Variants in OPCML observed in about 807,000 individuals in gnomAD.
OPCML encodes the protein opioid binding protein/cell adhesion molecule like, also known as opioid-binding protein/cell adhesion molecule.
Under a neutral mutation model 37.8 loss-of-function variants are expected in OPCML, and 13 were observed. That is an observed-to-expected ratio of 0.34 (90% CI 0.22 to 0.55). The LOEUF is 0.55. Ranked by LOEUF, OPCML falls within the 20% of genes least tolerant of loss-of-function variation. The pLI, the probability that OPCML is intolerant of heterozygous loss-of-function variation, is 0.91. For synonymous variants in OPCML, 176 were observed against 168.8 expected (o/e 1.04, Z -0.33); for missense variants, 341 against 435.6 (o/e 0.78, Z 1.93).
At chr11:132,976,284 C>T (rs888886015) in intron 1 of OPCML, among the ~76,000 whole-genome samples, 1 of 152,070 alleles carries the variant, frequency 6.6e-6, no homozygotes, top group Non-Finnish European at 1.5e-5. Context: ...AAAGCTGGAT[C>T]GAATGAGGTG....
chr11:133,250,080 T>C (rs139554387), intron 1 of OPCML, among the ~76,000 whole-genome samples: 1 of 152,328 alleles, frequency 6.6e-6, no homozygotes, highest in East Asian at 1.9e-4. Flanking sequence ...CATCATAAAG[T>C]ATAGACACTT....
chr11:132,850,699 T>C (rs983905681), intron 2 of OPCML, among the ~76,000 whole-genome samples: 3 of 152,224 alleles, frequency 2.0e-5, no homozygotes, highest in Non-Finnish European at 4.4e-5. Flanking sequence ...TAATTAAGCT[T>C]ATTATAGCTT....
At chr11:132,930,801 T>C (rs963259824) in intron 2 of OPCML, among the ~76,000 whole-genome samples, 3 of 152,120 alleles carry the variant, frequency 2.0e-5, no homozygotes, top group South Asian at 2.1e-4. Flanking sequence ...GCCATTGAAA[T>C]AGAAAAATCA....
intron 1 of OPCML, among the ~76,000 whole-genome samples, chr11:133,261,806 C>T (rs1276896915): frequency 2.0e-5 from 3 of 152,224 alleles, no homozygotes; most frequent in Admixed American, 6.5e-5. Flanking sequence ...CTGTGAGCGG[C>T]ACCCTCAGAG....
intron 2 of OPCML, among the ~76,000 whole-genome samples, chr11:132,766,728 A>G (rs1028675763): frequency 1.3e-5 from 2 of 152,118 alleles, no homozygotes; most frequent in African/African-American, 4.8e-5. Context: ...ATGCCTTGAC[A>G]GAAGAAGGCT....
chr11:133,094,921 A>T (rs1948974585), intron 1 of OPCML, among the ~76,000 whole-genome samples: 1 of 152,162 alleles, frequency 6.6e-6, no homozygotes, highest in African/African-American at 2.4e-5. Flanking sequence ...GATGCAGGGC[A>T]TTCAAATAGC....
chr11:132,774,837 T>C lies in OPCML; in HGVS notation c.147-117518A>G, dbSNP rs549986012. Among the ~76,000 whole-genome samples, 71 of 152,322 alleles carry C rather than the reference T, an allele frequency of 4.7e-4. No individual in the cohort carries two copies. The South Asian group carries it at 0.011, about 24-fold the overall frequency. Reference sequence around the variant, plus strand: ...ACAGTAGGTGATTAATACATTCTTATTGATTAATACAAATAGCATCACACT... The same window carrying C: ...ACAGTAGGTGATTAATACATTCTTACTGATTAATACAAATAGCATCACACT... On this transcript the variant is annotated intron_variant, in intron 2 of 7. Transcript: ENST00000524381.
At chr11:133,334,590 C>G (rs1026999627) in intron 1 of OPCML, among the ~76,000 whole-genome samples, 3 of 152,156 alleles carry the variant, frequency 2.0e-5, no homozygotes, top group African/African-American at 7.2e-5. Flanking sequence ...CAACAACCCC[C>G]ATGACATGTG....
In OPCML at chr11:133,208,081, T is replaced by C. The variant is rs1939184329; in HGVS notation, c.62-265071A>G. 1.3e-5 allele frequency among the ~76,000 whole-genome samples: 2 copies of C among 152,026 alleles called. No individual in the cohort carries two copies. Among genetic ancestry groups the C allele is most frequent in the South Asian group, 2.1e-4 (1 of 4,800 alleles). Reference sequence around the variant, plus strand: ...CTTACTCTGAGCTCCCATAGCATTATTTTTTTCTCTCTTCAGAGCATCTAC... The same window carrying C: ...CTTACTCTGAGCTCCCATAGCATTACTTTTTTCTCTCTTCAGAGCATCTAC... On this transcript the variant is annotated intron_variant, in intron 1 of 7. Coordinates refer to ENST00000524381, the MANE Select transcript of OPCML (RefSeq NM_001012393.5). The surrounding 1 kb of genome is among the most constrained non-coding windows in gnomAD (Gnocchi z 8.9).
Position 132,810,039 on chromosome 11 carries a change from C to T in OPCML, c.146+132887G>A, listed in dbSNP as rs144139126. Reference sequence around the variant, plus strand: ...TAATTTTTTGTATTTTTAGTAGAGACGGGATTTCACCATGTTGGCCAGGAT... The same window carrying T: ...TAATTTTTTGTATTTTTAGTAGAGATGGGATTTCACCATGTTGGCCAGGAT... On this transcript the variant is annotated intron_variant, in intron 2 of 7. Transcript: ENST00000524381. Among the ~76,000 whole-genome samples, 4 of 152,058 alleles carry T rather than the reference C, an allele frequency of 2.6e-5. 1 individual carries two copies. The East Asian group carries it at 7.9e-4, about 30-fold the overall frequency.
intron 1 of OPCML, among the ~76,000 whole-genome samples, chr11:132,944,109 G>A (rs888898024): frequency 6.6e-6 from 1 of 151,622 alleles, no homozygotes; most frequent in East Asian, 1.9e-4. Flanking sequence ...CCCGCACCGC[G>A]CCCACTTCGC....
chr11:132,746,914 G>A (rs1323616028), intron 2 of OPCML, among the ~76,000 whole-genome samples: 4 of 152,154 alleles, frequency 2.6e-5, no homozygotes, highest in African/African-American at 7.2e-5. Context: ...ACGAGGACCT[G>A]CTCTGCTGCT....
In OPCML at chr11:133,307,659, G is replaced by A. The variant is rs560912460; in HGVS notation, c.61+224605C>T. Among the ~76,000 whole-genome samples the A allele has an allele frequency of 7.2e-5, 11 of 152,256 alleles. No individual in the cohort carries two copies. The South Asian group carries it at 2.1e-3, about 29-fold the overall frequency. On this transcript the variant is annotated intron_variant, in intron 1 of 7. Transcript: ENST00000524381. ...GGAGACTGGGGCAAGAGCAACAGCAGCAACTTAGGTTTTAGATGTTCTTAT... is the reference window on the plus strand; with the variant it reads ...GGAGACTGGGGCAAGAGCAACAGCAACAACTTAGGTTTTAGATGTTCTTAT...
chr11:132,571,602 T>C (rs1591567634), intron 3 of OPCML, among the ~76,000 whole-genome samples: 1 of 152,258 alleles, frequency 6.6e-6, no homozygotes, highest in Admixed American at 6.5e-5. Context: ...TATTGCAGAG[T>C]TTCCTTTTTG....
At chr11:132,956,306 A>G (rs1362123453) in intron 1 of OPCML, among the ~76,000 whole-genome samples, 1 of 152,232 alleles carries the variant, frequency 6.6e-6, no homozygotes, top group Non-Finnish European at 1.5e-5. Context: ...AGCTTCAGGT[A>G]TTAGGATTCT....
At chr11:132,806,029 G>C (rs1938985566) in intron 2 of OPCML, among the ~76,000 whole-genome samples, 1 of 152,106 alleles carries the variant, frequency 6.6e-6, no homozygotes, top group African/African-American at 2.4e-5. Context: ...GAATCAGAAA[G>C]TGTTGGGTGT....
intron 1 of OPCML, among the ~76,000 whole-genome samples, chr11:133,294,815 CTTTTTTTTTTTTT>C (rs59382534): frequency 5.3e-5 from 3 of 56,552 alleles, no homozygotes; most frequent in African/African-American, 1.6e-4. Flanking sequence ...TTCTTTCTTT[CTTTTTTTTTTTTT>C]TTTTTTTTTT....
At chr11:132,435,230 C>T (rs2096009093) in intron 7 of OPCML, 2 of 1,289,578 alleles carry the variant, frequency 1.6e-6, no homozygotes, top group African/African-American at 1.5e-5. Context: ...AGAGAGAAAA[C>T]AAAAGACATA....
At chr11:133,079,104 C>T (rs1166836691) in intron 1 of OPCML, among the ~76,000 whole-genome samples, 1 of 152,136 alleles carries the variant, frequency 6.6e-6, no homozygotes, top group Non-Finnish European at 1.5e-5. Flanking sequence ...ACATACACGC[C>T]CGCCTGAATT....
Sources: allele counts gnomAD v4.1 joint callset (sites outside exome capture counted in the v4.1 genomes callset), GRCh38; gene constraint gnomAD v4.1.1; non-coding constraint Gnocchi (gnomAD v3.1); transcripts MANE v1.5; gene names NCBI Gene and HGNC (gene_info 2026-07-23, HGNC 2026-07-21).